Variants in SESTD1 observed in about 807,000 individuals in gnomAD.
SESTD1 encodes SEC14 domain and spectrin repeat-containing protein 1.
In SESTD1, 43 loss-of-function variants were observed where a neutral mutation model predicts 101.7. The observed-to-expected ratio is 0.42, with a 90% CI of 0.33 to 0.55. The LOEUF is 0.55. Ranked by LOEUF, SESTD1 falls within the 20% of genes least tolerant of loss-of-function variation. SESTD1 has a pLI of 0.07. For missense variants in SESTD1, 647 were observed against 815.1 expected (o/e 0.79, Z 2.51); for synonymous variants, 283 against 286.8 (o/e 0.99, Z 0.13).
intron 1 of SESTD1, among the ~76,000 whole-genome samples, chr2:179,192,104 A>T (rs2105497325): frequency 6.6e-6 from 1 of 152,302 alleles, no homozygotes; most frequent in Non-Finnish European, 1.5e-5. Context: ...GACAACCAGA[A>T]TGTCTCTAGA....
In SESTD1 at chr2:179,102,704, G is replaced by A. The variant is rs1380791161; in HGVS notation, c.*7195C>T. The A allele has an allele frequency of 1.3e-5, 2 of 152,098 alleles. No homozygotes were observed. The highest frequency in any genetic ancestry group is 2.9e-5 in the Non-Finnish European group (2 of 68,012). The allele number at this position is 152,098 out of a possible 1,614,324, so 9.4% of individuals were successfully genotyped here. A position where few individuals can be genotyped will look rare whatever the true frequency, so the allele number is the denominator to read the frequency against. On this transcript the variant is annotated 3_prime_UTR_variant, in exon 18 of 18. Transcript: ENST00000428443. ...ATTCTATAGACTAATACAGGTGAAT[G>A]CTGTATGTAATAGAACAGCTGGGAG...
intron 17 of SESTD1, among the ~76,000 whole-genome samples, chr2:179,112,002 A>G (rs1211520397): frequency 6.6e-6 from 1 of 152,120 alleles, no homozygotes; most frequent in Non-Finnish European, 1.5e-5. Context: ...TACAGGCGTG[A>G]GCCACCACGC....
At chr2:179,240,994 GA>G (rs2047144098) in intron 1 of SESTD1, among the ~76,000 whole-genome samples, 1 of 152,102 alleles carries the variant, frequency 6.6e-6, no homozygotes, top group South Asian at 2.1e-4. Flanking sequence ...CCCTCACTAA[GA>G]AAACAGACAA....
At chr2:179,151,565 T>TA (rs1248949730) in intron 5 of SESTD1, among the ~76,000 whole-genome samples, 174 bp from the exon 6 acceptor site, 2 of 152,176 alleles carry the variant, frequency 1.3e-5, no homozygotes, top group Non-Finnish European at 2.9e-5. Flanking sequence ...AGATACCTGA[T>TA]AAAAAATTCA....
At chr2:179,114,259 G>C (rs78361079) in intron 16 of SESTD1, among the ~76,000 whole-genome samples, 1,954 of 152,224 alleles carry the variant, frequency 0.013, 30 homozygotes, top group African/African-American at 0.044. Context: ...CTTCCCAACA[G>C]ATGTACTTCA....
At chr2:179,248,091 A>T (rs1466533979) in intron 1 of SESTD1, among the ~76,000 whole-genome samples, 2 of 151,898 alleles carry the variant, frequency 1.3e-5, no homozygotes, top group Non-Finnish European at 2.9e-5. Context: ...GACGACACAG[A>T]TTACCAGTAT....
At chr2:179,159,804 T>C (rs1013477035) in intron 5 of SESTD1, among the ~76,000 whole-genome samples, 5 of 152,258 alleles carry the variant, frequency 3.3e-5, no homozygotes, top group Admixed American at 6.5e-5. Flanking sequence ...TTTTATCTTA[T>C]TGGAAATGTT....
In SESTD1 at chr2:179,141,881, T is replaced by C. The variant is rs1378916952; in HGVS notation, c.849+1711A>G. ...CCCTTTAACTTATGAATGAAGTCCA[T>C]GGAAAAAGCCACATACAATTAACGT... is the stretch of plus-strand genomic sequence containing the variant. On this transcript the variant is annotated intron_variant, in intron 9 of 17. Transcript: ENST00000428443. 3.3e-5 allele frequency among the ~76,000 whole-genome samples: 5 copies of C among 151,342 alleles called. No individual in the cohort carries two copies. In the East Asian group the frequency reaches 7.8e-4, roughly 24 times the overall value.
intron 5 of SESTD1, among the ~76,000 whole-genome samples, chr2:179,157,679 G>T (rs752558193): frequency 1.3e-5 from 2 of 151,970 alleles, no homozygotes; most frequent in Admixed American, 6.6e-5. Context: ...ACAGACAGAT[G>T]TCCCTTATAT....
chr2:179,130,256 C>G (rs1290527178), intron 10 of SESTD1, among the ~76,000 whole-genome samples: 1 of 152,046 alleles, frequency 6.6e-6, no homozygotes, highest in African/African-American at 2.4e-5. Flanking sequence ...TCCAACTATT[C>G]ACTGATCAAA....
chr2:179,246,762 C>A lies in SESTD1; in HGVS notation c.-26+17737G>T, dbSNP rs1039527661. On this transcript the variant is annotated intron_variant, in intron 1 of 17. Coordinates refer to ENST00000428443, the MANE Select transcript of SESTD1 (RefSeq NM_178123.5). ...AATCATACAGAATCTCTTCTCCGACCAATATGGACTCAAACTAGAAATCAA... is the reference window on the plus strand; with the variant it reads ...AATCATACAGAATCTCTTCTCCGACAAATATGGACTCAAACTAGAAATCAA... Among the ~76,000 whole-genome samples, 14 of 152,264 alleles carry A rather than the reference C, an allele frequency of 9.2e-5. 1 individual carries two copies. The highest frequency in any genetic ancestry group is 3.3e-4 in the Admixed American group (5 of 15,284).
rs149700451 is a variant in SESTD1 at position 179,128,693 on chromosome 2, C to T, written c.972+3611G>A. 8.1e-4 allele frequency among the ~76,000 whole-genome samples: 119 copies of T among 146,852 alleles called. 2 individuals are homozygous for T. In the East Asian group the frequency reaches 0.02, roughly 24 times the overall value. On this transcript the variant is annotated intron_variant, in intron 10 of 17. Coordinates refer to ENST00000428443, the MANE Select transcript of SESTD1 (RefSeq NM_178123.5). ...GCAGTGAGCTGAGATAGCACCACTG[C>T]ACTCCAGGCTGGCGAGAGAGCTAGA...
Position 179,122,741 on chromosome 2 carries a change from C to T in SESTD1, c.1283-812G>A, listed in dbSNP as rs575857277. The stretch of plus-strand genomic sequence containing the variant: ...CCCATGTCTACTATAACTACCAATA[C>T]AAAAATTAGCCGGGCGTGGTGGCAG... On this transcript the variant is annotated intron_variant, in intron 12 of 17. Coordinates refer to ENST00000428443, the MANE Select transcript of SESTD1 (RefSeq NM_178123.5). 1.2e-3 allele frequency among the ~76,000 whole-genome samples: 177 copies of T among 152,062 alleles called. 1 individual carries two copies. The highest frequency in any genetic ancestry group is 4.1e-3 in the African/African-American group (169 of 41,492).
At chr2:179,242,829 A>G (rs1292135480) in intron 1 of SESTD1, among the ~76,000 whole-genome samples, 1 of 152,238 alleles carries the variant, frequency 6.6e-6, no homozygotes, top group Non-Finnish European at 1.5e-5. Flanking sequence ...TAAATGTAAG[A>G]CCTAAAAGCA....
At chr2:179,130,968 T>C (rs2044998650) in intron 10 of SESTD1, among the ~76,000 whole-genome samples, 1 of 152,132 alleles carries the variant, frequency 6.6e-6, no homozygotes, top group Admixed American at 6.5e-5. Context: ...GGAAGAACCA[T>C]TATGTTGGAA....
chr2:179,176,511 G>A lies in SESTD1; in HGVS notation c.192C>T (p.Thr64=), dbSNP rs770858481. 7.4e-6 allele frequency: 12 copies of A among 1,612,854 alleles called. No homozygotes were observed. The highest frequency in any genetic ancestry group is 1.6e-4 in the Middle Eastern group (1 of 6,074). ...PSEKCKARGF[T]VIVDGRKSQW... ...GTGATTTTCTGCCATCCACAATCACGGTAAATCCTCTAGCCTTACACTTCT... is the reference window on the plus strand; with the variant it reads ...GTGATTTTCTGCCATCCACAATCACAGTAAATCCTCTAGCCTTACACTTCT... The change falls in exon 4 of 18, where the codon ACC becomes ACT. Residue 64 remains threonine (T), a synonymous_variant. Transcript: ENST00000428443.
In SESTD1 at chr2:179,102,367, T is replaced by TATTTTTTG. The variant is rs2044290603; in HGVS notation, c.*7531_*7532insCAAAAAAT. ...TTTACAAAAAATAACTCAAATTGATTCAAAGATGCAGAATTCATCAGATTA... is the reference window on the plus strand; with the variant it reads ...TTTACAAAAAATAACTCAAATTGATTATTTTTTGCAAAGATGCAGAATTCATCAGATTA... On this transcript the variant is annotated 3_prime_UTR_variant, in exon 18 of 18. Transcript: ENST00000428443. 1 of 152,086 alleles carries TATTTTTTG rather than the reference T, an allele frequency of 6.6e-6. No individual in the cohort carries two copies. The highest frequency in any genetic ancestry group is 6.6e-5 in the Admixed American group (1 of 15,256). 9.4% of individuals were successfully genotyped at this position (152,086 alleles called of 1,614,324 possible). A position where few individuals can be genotyped will look rare whatever the true frequency, so the allele number is the denominator to read the frequency against.
chr2:179,189,661 C>A (rs1333980740), intron 2 of SESTD1, among the ~76,000 whole-genome samples: 1 of 152,014 alleles, frequency 6.6e-6, no homozygotes, highest in African/African-American at 2.4e-5. Flanking sequence ...TGTTTCTATA[C>A]CTAGACAACC....
intron 1 of SESTD1, among the ~76,000 whole-genome samples, chr2:179,239,297 T>C (rs976745541): frequency 1.3e-5 from 2 of 152,188 alleles, no homozygotes; most frequent in South Asian, 2.1e-4. Context: ...TCTACAGAAA[T>C]TTAATTACTG....
Sources: allele counts gnomAD v4.1 joint callset (sites outside exome capture counted in the v4.1 genomes callset), GRCh38; gene constraint gnomAD v4.1.1; transcripts MANE v1.5; gene names NCBI Gene and HGNC (gene_info 2026-07-23, HGNC 2026-07-21).